IFT140: variants seen among roughly 807,000 people sequenced by gnomAD.
IFT140 encodes intraflagellar transport 140, also known as intraflagellar transport protein 140 homolog.
Under a neutral mutation model 164.6 loss-of-function variants are expected in IFT140, and 133 were observed. That is an observed-to-expected ratio of 0.81 (90% CI 0.70 to 0.93). IFT140 has a LOEUF of 0.93. Among genes scored for constraint, IFT140 ranks in the 40% least tolerant of loss-of-function variants. The pLI, the probability that IFT140 is intolerant of heterozygous loss-of-function variation, is 0.00. For missense variants in IFT140, 2,045 were observed against 1,972.3 expected (o/e 1.04, Z -0.70); for synonymous variants, 860 against 817.3 (o/e 1.05, Z -0.89).
intron 2 of IFT140, among the ~76,000 whole-genome samples, chr16:1,608,643 A>AAG (rs1287997580): frequency 6.6e-6 from 1 of 151,510 alleles, no homozygotes; most frequent in African/African-American, 2.4e-5. Context: ...AAAAAAAAAA[A>AAG]AAAAAAAAGA....
intron 19 of IFT140, among the ~76,000 whole-genome samples, chr16:1,542,823 C>G (rs1447805830): frequency 6.6e-6 from 1 of 152,238 alleles, no homozygotes; most frequent in Admixed American, 6.5e-5. Context: ...GGCGAGGGGC[C>G]ATTGGTGCTC....
In IFT140 at chr16:1,603,146, T is replaced by C. The variant is rs370092831; in HGVS notation, c.148-555A>G. On this transcript the variant is annotated intron_variant, in intron 3 of 30. Transcript: ENST00000426508. The stretch of plus-strand genomic sequence containing the variant: ...GCTGGCAACCCCGACCAGCTTCTCA[T>C]GGAGTGCCACCTTGTCATGATGTGC... 5.9e-5 allele frequency among the ~76,000 whole-genome samples: 9 copies of C among 152,242 alleles called. No homozygotes were observed. The East Asian group carries it at 7.7e-4, about 13-fold the overall frequency.
intron 13 of IFT140, among the ~76,000 whole-genome samples, chr16:1,578,573 T>C (rs972988307): frequency 1.5e-5 from 2 of 130,588 alleles, no homozygotes; most frequent in Non-Finnish European, 3.2e-5. Flanking sequence ...TGAGATCCTG[T>C]CCCTTAAAAA....
intron 19 of IFT140, among the ~76,000 whole-genome samples, chr16:1,545,212 G>A (rs1310317161): frequency 3.3e-5 from 5 of 152,184 alleles, no homozygotes; most frequent in Non-Finnish European, 5.9e-5. Context: ...ATGGTGGCGG[G>A]GGCGGGACTG....
chr16:1,549,080 C>T (rs975235057), intron 19 of IFT140, among the ~76,000 whole-genome samples: 2 of 152,234 alleles, frequency 1.3e-5, no homozygotes, highest in African/African-American at 4.8e-5. Context: ...CCGTTTTCAC[C>T]GCATGCCTAG....
chr16:1,592,240 A>T lies in IFT140; in HGVS notation c.570T>A (p.Ser190Arg), dbSNP rs767008075. The change falls in exon 6 of 31, where the codon AGT (serine) becomes AGA (arginine). Residue 190 changes from serine (S) to arginine (R), a missense_variant. Transcript: ENST00000426508. ...ALDMFNWKKSSSGSLLKMGSH... is the reference protein window; with the variant it reads ...ALDMFNWKKSRSGSLLKMGSH... ...ACCCCATCTTCAGCAAACTTCCAGA[A>T]CTGCTCTTCTTCCAGTTAAACATGT... is the stretch of plus-strand genomic sequence containing the variant. 3 of 1,614,068 alleles carry T rather than the reference A, an allele frequency of 1.9e-6. No homozygotes were observed. In the African/African-American group the frequency reaches 4.0e-5, roughly 22 times the overall value.
chr16:1,569,354 T>G (rs143677813), intron 14 of IFT140, among the ~76,000 whole-genome samples: 1 of 152,106 alleles, frequency 6.6e-6, no homozygotes, highest in African/African-American at 2.4e-5. Context: ...CTCTATTTAT[T>G]GACTTACTCA....
chr16:1,523,828 C>T lies in IFT140; in HGVS notation c.3270G>A (p.Lys1090=). ...QMDRAVMLYH[K]AGHFSKALEL... ...GTCCCCACCGGTGGCCAGCCCTCAC[C>T]TTGTGGTACAGCATGACCGCCCTGT... The change falls in exon 25 of 31, where the codon AAG becomes AAA. Residue 1090 remains lysine, a splice_region_variant and synonymous_variant. Transcript: ENST00000426508. The T allele has an allele frequency of 6.2e-7, 1 of 1,612,800 alleles. No individual in the cohort carries two copies. The highest frequency in any genetic ancestry group is 2.2e-5 in the East Asian group (1 of 44,872).
At chr16:1,522,270 T>C (rs1309372271) in intron 26 of IFT140, among the ~76,000 whole-genome samples, 1 of 152,096 alleles carries the variant, frequency 6.6e-6, no homozygotes, top group Non-Finnish European at 1.5e-5. Flanking sequence ...GGCAGGGGAA[T>C]TGCTTGAACC....
At chr16:1,543,487 C>G (rs1029620543) in intron 19 of IFT140, among the ~76,000 whole-genome samples, 1 of 152,084 alleles carries the variant, frequency 6.6e-6, no homozygotes, top group African/African-American at 2.4e-5. Context: ...GGAGGGGCCT[C>G]GAGGCTTCAG....
chr16:1,590,215 A>T (rs868196651), intron 6 of IFT140, among the ~76,000 whole-genome samples: 14 of 151,598 alleles, frequency 9.2e-5, no homozygotes, highest in Middle Eastern at 3.2e-3. Flanking sequence ...AAAAAAAAAA[A>T]AAAAAAATTA....
rs921577617 is a variant in IFT140 at position 1,522,213 on chromosome 16, C to T, written c.3453+1305G>A. 2.6e-5 allele frequency among the ~76,000 whole-genome samples: 4 copies of T among 151,782 alleles called. No individual in the cohort carries two copies. The East Asian group carries it at 7.8e-4, about 30-fold the overall frequency. Reference sequence around the variant, plus strand: ...CTCTACTAAACACAGAAAATTAACACAGGTGTGGTGGTGGGCGCCTGTAGT... The same window carrying T: ...CTCTACTAAACACAGAAAATTAACATAGGTGTGGTGGTGGGCGCCTGTAGT... On this transcript the variant is annotated intron_variant, in intron 26 of 30. Coordinates refer to ENST00000426508, the MANE Select transcript of IFT140 (RefSeq NM_014714.4).
chr16:1,605,849 A>G (rs1412038199), intron 3 of IFT140, among the ~76,000 whole-genome samples: 5 of 152,210 alleles, frequency 3.3e-5, no homozygotes, highest in African/African-American at 1.2e-4. Flanking sequence ...TCCTTGTGAC[A>G]TGGCGTCCTT....
rs2033832857 is a variant in IFT140 at position 1,568,283 on chromosome 16, C to A, written c.1704G>T (p.Gly568=). 6.2e-7 allele frequency: 1 copy of A among 1,613,558 alleles called. No individual in the cohort carries two copies. Among genetic ancestry groups the A allele is most frequent in the Non-Finnish European group, 8.5e-7 (1 of 1,179,996 alleles). The change falls in exon 15 of 31, where the codon GGG becomes GGT. Residue 568 remains glycine (G), a synonymous_variant. Transcript: ENST00000426508. ...SCRSLAELVP[G]VGGIASLRCS... ...ACCGCAGAGAAGCGATGCCCCCCAC[C>A]CCAGGGACCAGCTCCGCCAGGCTCC...
chr16:1,579,602 T>C (rs1055742285), intron 13 of IFT140: 1 of 152,206 alleles, frequency 6.6e-6, no homozygotes, highest in African/African-American at 2.4e-5. Context: ...CAACACACTG[T>C]GTCTGCCCCC....
intron 19 of IFT140, among the ~76,000 whole-genome samples, chr16:1,537,834 CT>C (rs1036525572): frequency 3.9e-5 from 6 of 152,244 alleles, no homozygotes; most frequent in African/African-American, 1.4e-4. Context: ...AGCCCCACCC[CT>C]CTCTCCGGTG....
chr16:1,546,812 G>A (rs997714984), intron 19 of IFT140, among the ~76,000 whole-genome samples: 1 of 152,220 alleles, frequency 6.6e-6, no homozygotes, highest in African/African-American at 2.4e-5. Context: ...CAGCAGCCCT[G>A]CAGAGCTCTG....
intron 3 of IFT140, among the ~76,000 whole-genome samples, chr16:1,603,898 T>C (rs2035918390): frequency 6.6e-6 from 1 of 152,262 alleles, no homozygotes; most frequent in African/African-American, 2.4e-5. Flanking sequence ...AGCCATCTTC[T>C]GTGATCTCAT....
chr16:1,515,875 T>A (rs1183010036), intron 30 of IFT140, among the ~76,000 whole-genome samples: 1 of 151,832 alleles, frequency 6.6e-6, no homozygotes, highest in Non-Finnish European at 1.5e-5. Flanking sequence ...AGGGAAGAAG[T>A]AAGAACACCA....
Sources: allele counts gnomAD v4.1 joint callset (sites outside exome capture counted in the v4.1 genomes callset), GRCh38; gene constraint gnomAD v4.1.1; transcripts MANE v1.5; gene names NCBI Gene and HGNC (gene_info 2026-07-23, HGNC 2026-07-21).